The following DCAF8 variants were observed in gnomAD, a reference collection of about 807,000 sequenced individuals.
DCAF8 encodes the protein DDB1- and CUL4-associated factor 8.
DCAF8 carries 20 observed loss-of-function variants against 68.0 expected under a neutral mutation model. The ratio of observed to expected loss-of-function variants is 0.29; its 90% confidence interval spans 0.21 to 0.43. The LOEUF (loss-of-function observed/expected upper bound fraction) is 0.43. Ranked by LOEUF, DCAF8 falls within the 20% of genes least tolerant of loss-of-function variation. DCAF8 has a pLI of 1.00. For missense variants in DCAF8, 460 were observed against 771.0 expected, an observed-to-expected ratio of 0.60 and a Z score of 4.78; for synonymous variants, 230 against 276.9, an observed-to-expected ratio of 0.83 and a Z score of 1.68.
intron 3 of DCAF8, among the ~76,000 whole-genome samples, chr1:160,241,289 C>T (rs1398320489): frequency 1.3e-5 from 2 of 152,168 alleles, no homozygotes; most frequent in African/African-American, 4.8e-5. Context: ...TTCTTGCTCA[C>T]CTTTTGCTAG....
chr1:160,217,733 T>G, intron 13 of DCAF8, 25 bp from the exon 14 acceptor site: 1 of 1,581,910 alleles, frequency 6.3e-7, no homozygotes, highest in Non-Finnish European at 8.7e-7. Context: ...GGCTTGTTAG[T>G]AACTTCCCTG....
intron 2 of DCAF8, among the ~76,000 whole-genome samples, chr1:160,247,892 C>A (rs1656405026): frequency 6.6e-6 from 1 of 152,144 alleles, no homozygotes; most frequent in Admixed American, 6.6e-5. Context: ...TAAAACAACA[C>A]AAGTTCCAGA....
At chr1:160,238,956 G>C in intron 4 of DCAF8, 3 of 625,684 alleles carry the variant, frequency 4.8e-6, no homozygotes, top group Admixed American at 3.9e-5. Context: ...TGATGTAAGA[G>C]AGCATTTCAG....
chr1:160,245,843 T>C (rs1194752966), intron 2 of DCAF8, among the ~76,000 whole-genome samples: 1 of 152,172 alleles, frequency 6.6e-6, no homozygotes, highest in Non-Finnish European at 1.5e-5. Context: ...ATTATATTAA[T>C]TCCTATCAAG....
intron 6 of DCAF8, 87 bp downstream of exon 6, chr1:160,237,048 G>C (rs143577369): frequency 4.7e-4 from 432 of 918,106 alleles, no homozygotes; most frequent in Middle Eastern, 1.4e-3. Context: ...CTATTCGGAT[G>C]AACCAGAGTT....
intron 7 of DCAF8, among the ~76,000 whole-genome samples, chr1:160,226,297 T>C (rs954599602): frequency 6.6e-6 from 1 of 152,158 alleles, no homozygotes; most frequent in African/African-American, 2.4e-5. Flanking sequence ...TAAAACTGTA[T>C]TTGGCCTGTT....
At chr1:160,240,510 G>C (rs1571098546) in intron 3 of DCAF8, 140 bp from the exon 4 acceptor site, 4 of 739,000 alleles carry the variant, frequency 5.4e-6, no homozygotes, top group Middle Eastern at 4.0e-4. Flanking sequence ...AATAATTACA[G>C]AGAGTACCCT....
chr1:160,259,907 C>G (rs1344216045), intron 2 of DCAF8, among the ~76,000 whole-genome samples: 1 of 151,986 alleles, frequency 6.6e-6, no homozygotes, highest in Non-Finnish European at 1.5e-5. Context: ...GGTTATGAAC[C>G]CCCACCAAGG....
Position 160,246,230 on chromosome 1 carries a change from A to G in DCAF8, c.-26-2196T>C, listed in dbSNP as rs149371678. 3.7e-3 allele frequency among the ~76,000 whole-genome samples: 559 copies of G among 152,296 alleles called. 10 individuals carry two copies. Among genetic ancestry groups the G allele is most frequent in the East Asian group, 0.035 (182 of 5,190 alleles). On this transcript the variant is annotated intron_variant, in intron 2 of 13. Transcript: ENST00000368074. ...ACAGATCTGATGTTTTCCCACCTCCATAATCAAAACTCTTTACCATACGTT... is the reference window on the plus strand; with the variant it reads ...ACAGATCTGATGTTTTCCCACCTCCGTAATCAAAACTCTTTACCATACGTT...
At chr1:160,220,674 C>T (rs1655264304) in intron 11 of DCAF8, 1 of 152,170 alleles carries the variant, frequency 6.6e-6, no homozygotes, top group African/African-American at 2.4e-5. Context: ...CCTCTGATAC[C>T]ACCCCCAACC....
chr1:160,252,463 T>G lies in DCAF8; in HGVS notation c.-26-8429A>C, dbSNP rs112373015. ...CACAGGACCAGAGCAAGAAAAGATATGGAGGTTAAAAACCTGACATGGTCA... is the reference window on the plus strand; with the variant it reads ...CACAGGACCAGAGCAAGAAAAGATAGGGAGGTTAAAAACCTGACATGGTCA... On this transcript the variant is annotated intron_variant, in intron 2 of 13. Transcript: ENST00000368074. 7.6e-3 allele frequency among the ~76,000 whole-genome samples: 1,157 copies of G among 152,210 alleles called. 19 individuals are homozygous for G. Among genetic ancestry groups the G allele is most frequent in the African/African-American group, 0.027 (1,102 of 41,538 alleles).
At chr1:160,224,176 C>T (rs1055407632) in intron 10 of DCAF8, among the ~76,000 whole-genome samples, 18 of 152,312 alleles carry the variant, frequency 1.2e-4, no homozygotes, top group Admixed American at 1.0e-3. Flanking sequence ...TTTGAAGTTG[C>T]CTGAAATCTT....
intron 2 of DCAF8, among the ~76,000 whole-genome samples, chr1:160,252,763 T>C (rs1656649703): frequency 6.6e-6 from 1 of 152,120 alleles, no homozygotes; most frequent in South Asian, 2.1e-4. Flanking sequence ...GTTGTAAAGG[T>C]AGATAATGTT....
At chr1:160,229,041 T>C (rs1156861002) in intron 7 of DCAF8, among the ~76,000 whole-genome samples, 1 of 152,106 alleles carries the variant, frequency 6.6e-6, no homozygotes, top group Non-Finnish European at 1.5e-5. Flanking sequence ...GGCTCACGAC[T>C]GTAATCCCAG....
At chr1:160,249,338 T>G (rs536660508) in intron 2 of DCAF8, among the ~76,000 whole-genome samples, 9 of 152,182 alleles carry the variant, frequency 5.9e-5, no homozygotes, top group Non-Finnish European at 7.3e-5. Context: ...ATAACAAAAA[T>G]TTACTTTATT....
At chr1:160,229,384 G>A (rs1472086001) in intron 7 of DCAF8, among the ~76,000 whole-genome samples, 3 of 152,168 alleles carry the variant, frequency 2.0e-5, no homozygotes, top group Non-Finnish European at 4.4e-5. Flanking sequence ...GAAGATTTGA[G>A]TATTTCTCCT....
At chr1:160,244,074 C>G (rs888077132) in intron 2 of DCAF8, 40 bp from the exon 3 acceptor site, 5 of 1,465,118 alleles carry the variant, frequency 3.4e-6, no homozygotes, top group Non-Finnish European at 4.8e-6. Flanking sequence ...AATTAGGAAA[C>G]CACCTGGGAA....
At chr1:160,250,055 C>A (rs947293126) in intron 2 of DCAF8, among the ~76,000 whole-genome samples, 3 of 152,052 alleles carry the variant, frequency 2.0e-5, no homozygotes, top group Non-Finnish European at 4.4e-5. Flanking sequence ...GTTCCATGCG[C>A]CAATCACAGT....
chr1:160,256,577 GA>G (rs60860476), intron 2 of DCAF8, among the ~76,000 whole-genome samples: 2,440 of 146,172 alleles, frequency 0.017, 64 homozygotes, highest in African/African-American at 0.05. Context: ...AAGCCAGGAA[GA>G]AAAAAAAAAA....
Sources: gnomAD v4.1 joint callset for allele counts (sites outside exome capture counted in the v4.1 genomes callset) on GRCh38, gnomAD v4.1.1 for gene constraint, MANE v1.5 for transcripts, NCBI Gene and HGNC (gene_info 2026-07-23, HGNC 2026-07-21) for gene names.